The following WDR90 variants were observed in gnomAD, a reference collection of about 807,000 sequenced individuals.
WDR90 encodes the protein WD repeat-containing protein 90.
Under a neutral mutation model 195.2 loss-of-function variants are expected in WDR90, and 238 were observed. The ratio of observed to expected loss-of-function variants is 1.22; its 90% CI spans 1.10 to 1.36. The LOEUF (loss-of-function observed/expected upper bound fraction) is 1.36, where lower values mean the gene tolerates loss of function less well. Ranked by LOEUF, WDR90 falls within the 40% of genes most tolerant of loss-of-function variation. The pLI is 0.00. For synonymous variants in WDR90, 1,265 were observed against 1,052.4 expected (o/e 1.20, Z -3.91); for missense variants, 2,734 against 2,439.5 (o/e 1.12, Z -2.54).
At chr16:660,211 C>T (rs185003760) in intron 27 of WDR90, 50 bp downstream of exon 27, 7 of 1,427,862 alleles carry the variant, frequency 4.9e-6, no homozygotes, top group Non-Finnish European at 6.5e-6. Context: ...AGCACAGAGG[C>T]CCCCCGCAGG....
Position 650,311 on chromosome 16 carries a change from G to A in WDR90, c.337G>A (p.Ala113Thr), listed in dbSNP as rs373439319. ...SNLFKEFKST[A>T]TWLQFPLVLE... ...CCTCTTCAAGGAGTTTAAGTCTACG[G>A]CCACGTGGCTCCAGTTTCCCTTGGT... Residue 113 changes from alanine (A) to threonine (T), a missense_variant, in exon 4 of 41, where the codon GCC (alanine) becomes ACC (threonine). Physicochemically the swap from Ala to Thr is moderately conservative, Grantham distance 58. Coordinates refer to ENST00000293879, the MANE Select transcript of WDR90 (RefSeq NM_145294.5). 2.5e-6 allele frequency: 4 copies of A among 1,612,854 alleles called. No individual in the cohort carries two copies. In the African/African-American group the frequency reaches 4.0e-5, roughly 16 times the overall value.
chr16:652,052 C>T lies in WDR90; in HGVS notation c.1053+13C>T. 2 of 1,580,124 alleles carry T rather than the reference C, an allele frequency of 1.3e-6. No homozygotes were observed. The highest frequency in any genetic ancestry group is 1.7e-6 in the Non-Finnish European group (2 of 1,166,176). Reference sequence around the variant, plus strand: ...CGGCTCCTGCGAAGTGAGTGCCCATCCCACAGCAGGCGGGGCCTGGTGAGG... The same window carrying T: ...CGGCTCCTGCGAAGTGAGTGCCCATTCCACAGCAGGCGGGGCCTGGTGAGG... On this transcript the variant is annotated intron_variant, in intron 9 of 40. Coordinates refer to ENST00000293879, the MANE Select transcript of WDR90 (RefSeq NM_145294.5).
Position 655,351 on chromosome 16 carries a change from G to T in WDR90, c.1601G>T (p.Arg534Leu). Reference protein sequence around the residue: ...GQGSVRLWRLRGGVLRSCPVD... With the variant: ...GQGSVRLWRLLGGVLRSCPVD... Reference sequence around the variant, plus strand: ...GGCAGTGTGCGGCTCTGGCGGCTGCGTGGCGGGGTGCTGCGTTCCTGCCCC... The same window carrying T: ...GGCAGTGTGCGGCTCTGGCGGCTGCTTGGCGGGGTGCTGCGTTCCTGCCCC... The change falls in exon 15 of 41, where the codon CGT becomes CTT. Residue 534 changes from arginine to leucine, a missense_variant. Coordinates refer to ENST00000293879, the MANE Select transcript of WDR90 (RefSeq NM_145294.5). The T allele has an allele frequency of 6.2e-7, 1 of 1,602,322 alleles. No individual in the cohort carries two copies. The highest frequency in any genetic ancestry group is 8.5e-7 in the Non-Finnish European group (1 of 1,179,210).
In WDR90 at chr16:667,560, A is replaced by G. The variant is rs1335751361; in HGVS notation, c.5218A>G (p.Ile1740Val). 1 of 1,610,640 alleles carries G rather than the reference A, an allele frequency of 6.2e-7. No individual in the cohort carries two copies. The highest frequency in any genetic ancestry group is 8.5e-7 in the Non-Finnish European group (1 of 1,179,960). The part of the protein sequence containing the change: ...RLLFTAARNE[I>V]LVWEVPGL Reference sequence around the variant, plus strand: ...GCTCTTCACGGCCGCCCGCAACGAGATCCTTGTGTGGGAGGTCCCCGGCCT... The same window carrying G: ...GCTCTTCACGGCCGCCCGCAACGAGGTCCTTGTGTGGGAGGTCCCCGGCCT... The change falls in exon 41 of 41, where the codon ATC becomes GTC. Residue 1740 changes from isoleucine to valine, a missense_variant. Physicochemically the swap from Ile to Val is conservative, Grantham distance 29. Coordinates refer to ENST00000293879, the MANE Select transcript of WDR90 (RefSeq NM_145294.5).
chr16:653,824 G>A, intron 13 of WDR90, 21 bp downstream of exon 13: 1 of 1,612,712 alleles, frequency 6.2e-7, no homozygotes. Flanking sequence ...CCTGGCTGCG[G>A]GTTGGGGTGG....
chr16:655,860 T>TGGA lies in WDR90; in HGVS notation c.1938_1940dup (p.Leu646_Asp647insGlu). ...GACGGCTTCTTGCGGCTCTGGCCCC[T>TGGA]GGACTTCTCCTCGGTGCTCCTGGAG... On this transcript the variant is annotated inframe_insertion, in exon 17 of 41. Coordinates refer to ENST00000293879, the MANE Select transcript of WDR90 (RefSeq NM_145294.5). 1 of 1,598,936 alleles carries TGGA rather than the reference T, an allele frequency of 6.3e-7. No individual in the cohort carries two copies.
At position 659,306 on chromosome 16, in the gene WDR90, G is replaced by T; in HGVS notation, c.3114G>T (p.Gln1038His). 6.2e-7 allele frequency: 1 copy of T among 1,601,178 alleles called. No homozygotes were observed. The highest frequency in any genetic ancestry group is 1.1e-5 in the South Asian group (1 of 89,498). The change falls in exon 26 of 41, where the codon CAG (glutamine) becomes CAT (histidine). Residue 1038 changes from glutamine (Q) to histidine (H), a missense_variant. Gln to His is a conservative substitution (Grantham distance 24). Coordinates refer to ENST00000293879, the MANE Select transcript of WDR90 (RefSeq NM_145294.5). ...ASRASELPRQ[Q>H]VPKPCQASPP... ...GGGCCAGCGAGCTCCCCCGGCAGCA[G>T]GTCCCCAAGCCATGTCAGGCATCTC...
Position 660,061 on chromosome 16 carries a change from C to G in WDR90, c.3188C>G (p.Ala1063Gly), listed in dbSNP as rs763811891. 6.5e-7 allele frequency: 1 copy of G among 1,542,412 alleles called. No individual in the cohort carries two copies. The stretch of plus-strand genomic sequence containing the variant: ...AGCTCTGCCTCCTCCCTGCCAGGCG[C>G]CAGGGACACCAGGAATTCGGGGGCC... Reference protein sequence around the residue: ...CARPPEGGDGARDTRNSGAPR... With the variant: ...CARPPEGGDGGRDTRNSGAPR... Residue 1063 changes from alanine (A) to glycine (G), a missense_variant, in exon 27 of 41, where the codon GCC becomes GGC. By Grantham distance (60) the Ala-to-Gly change is moderately conservative (BLOSUM62 0). Transcript: ENST00000293879.
At chr16:663,871 G>A (rs768585084) in intron 34 of WDR90, among the ~76,000 whole-genome samples, 5 of 152,198 alleles carry the variant, frequency 3.3e-5, no homozygotes, top group African/African-American at 4.8e-5. Flanking sequence ...CTGGCGTGGC[G>A]TTGGTCTAGC....
In WDR90 at chr16:660,071, C is replaced by A. The variant is rs374016429; in HGVS notation, c.3198C>A (p.Thr1066=). The change falls in exon 27 of 41, where the codon ACC becomes ACA. Residue 1066 remains threonine (T), a synonymous_variant. Transcript: ENST00000293879. ...PPEGGDGARD[T]RNSGAPRTTY... ...CCTCCCTGCCAGGCGCCAGGGACACCAGGAATTCGGGGGCCCCACGCACCA... is the reference window on the plus strand; with the variant it reads ...CCTCCCTGCCAGGCGCCAGGGACACAAGGAATTCGGGGGCCCCACGCACCA... 3.3e-4 allele frequency: 517 copies of A among 1,545,308 alleles called. 1 individual carries two copies. Among genetic ancestry groups the A allele is most frequent in the Admixed American group, 5.1e-4 (26 of 50,976 alleles).
In WDR90 at chr16:654,087, G is replaced by T. The variant is rs1414241582; in HGVS notation, c.1437+284G>T. On this transcript the variant is annotated intron_variant, in intron 13 of 40. Coordinates refer to ENST00000293879, the MANE Select transcript of WDR90 (RefSeq NM_145294.5). ...CCTCGTTCTCTCTGCTGGTGATGCG[G>T]TTGTAAGATTTTCACGTGGCAGAGC... 6.4e-6 allele frequency: 3 copies of T among 465,592 alleles called. No individual in the cohort carries two copies. In the East Asian group the frequency reaches 1.0e-4, roughly 16 times the overall value. 28.8% of individuals were successfully genotyped at this position (465,592 alleles called of 1,614,324 possible).
rs1313199026 is a variant in WDR90 at position 650,565 on chromosome 16, G to A, written c.415G>A (p.Ala139Thr). ...RDLVGLAPSG[A>T]RWTCLQLDLQ... ...TCTGGTGGGTTTGGCCCCCTCCGGAGCCCGCTGGACCTGCCTGCAGCTCGA... is the reference window on the plus strand; with the variant it reads ...TCTGGTGGGTTTGGCCCCCTCCGGAACCCGCTGGACCTGCCTGCAGCTCGA... Residue 139 changes from alanine (A) to threonine (T), a missense_variant, in exon 5 of 41, where the codon GCC becomes ACC. Transcript: ENST00000293879. 9.3e-6 allele frequency: 15 copies of A among 1,611,214 alleles called. No individual in the cohort carries two copies. The highest frequency in any genetic ancestry group is 4.0e-5 in the African/African-American group (3 of 74,900).
intron 26 of WDR90, among the ~76,000 whole-genome samples, chr16:659,610 C>G (rs1240638571): frequency 6.6e-6 from 1 of 151,532 alleles, no homozygotes; most frequent in Admixed American, 6.7e-5. Context: ...CCCCTTGGCC[C>G]CAGGCACCTT....
intron 27 of WDR90, 106 bp downstream of exon 27, chr16:660,267 T>C: frequency 9.4e-7 from 1 of 1,063,764 alleles, no homozygotes; most frequent in Non-Finnish European, 1.3e-6. Flanking sequence ...CCAAAGGTGA[T>C]GGCTCTGGCC....
Position 650,145 on chromosome 16 carries a change from T to G in WDR90, c.257T>G (p.Ile86Ser). The change falls in exon 3 of 41, where the codon ATC (isoleucine) becomes AGC (serine). Residue 86 changes from isoleucine (I) to serine (S), a missense_variant. Transcript: ENST00000293879. ...FRPLPSKHFV[I>S]HLDVSSKDNQ... ...CCCCTGCCCAGCAAGCACTTCGTCATCCACCTCGATGTGTCCTCCAAGGTA... is the reference window on the plus strand; with the variant it reads ...CCCCTGCCCAGCAAGCACTTCGTCAGCCACCTCGATGTGTCCTCCAAGGTA... 1 of 1,613,016 alleles carries G rather than the reference T, an allele frequency of 6.2e-7. No homozygotes were observed. Among genetic ancestry groups the G allele is most frequent in the Non-Finnish European group, 8.5e-7 (1 of 1,179,930 alleles).
Position 650,095 on chromosome 16 carries a change from A to T in WDR90, c.207A>T (p.Gly69=). 1 of 1,613,012 alleles carries T rather than the reference A, an allele frequency of 6.2e-7. No homozygotes were observed. Among genetic ancestry groups the T allele is most frequent in the Non-Finnish European group, 8.5e-7 (1 of 1,179,966 alleles). The change falls in exon 3 of 41, where the codon GGA becomes GGT. Residue 69 remains glycine, a synonymous_variant. Transcript: ENST00000293879. ...KSSTQSLGLT[G]RYLYVLFRPL... is the part of the protein sequence containing the mutation. ...GCACCCAGTCTCTGGGGCTGACGGGACGATACCTGTATGTGCTCTTTCGGC... is the reference window on the plus strand; with the variant it reads ...GCACCCAGTCTCTGGGGCTGACGGGTCGATACCTGTATGTGCTCTTTCGGC...
intron 10 of WDR90, 97 bp from the exon 11 acceptor site, chr16:653,242 CCT>C (rs765565883): frequency 6.6e-5 from 68 of 1,029,636 alleles, no homozygotes; most frequent in Non-Finnish European, 8.6e-5. Flanking sequence ...CCTGCCACCC[CCT>C]CTCCCTGGGC....
At chr16:653,105 C>A (rs1210161247) in intron 10 of WDR90, among the ~76,000 whole-genome samples, 1 of 152,220 alleles carries the variant, frequency 6.6e-6, no homozygotes, top group Non-Finnish European at 1.5e-5. Context: ...TGTGTGTACA[C>A]GTGTCTGCTT....
In WDR90 at chr16:649,853, C is replaced by T; in HGVS notation, c.101C>T (p.Thr34Met). 1.3e-6 allele frequency: 2 copies of T among 1,578,766 alleles called. No homozygotes were observed. Among genetic ancestry groups the T allele is most frequent in the Non-Finnish European group, 1.7e-6 (2 of 1,162,766 alleles). The change falls in exon 2 of 41, where the codon ACG (threonine) becomes ATG (methionine). Residue 34 changes from threonine to methionine, a missense_variant and splice_region_variant. Thr to Met is a moderately conservative substitution (Grantham distance 81, BLOSUM62 -1). Transcript: ENST00000293879. ...SAKQGDVAVV[T>M]DKTLKGAVYR... Reference sequence around the variant, plus strand: ...AAGCAGGGGGACGTGGCCGTGGTCACGGTAGGCGGCCGGGGGCTCGCCCGG... The same window carrying T: ...AAGCAGGGGGACGTGGCCGTGGTCATGGTAGGCGGCCGGGGGCTCGCCCGG...
Sources: gnomAD v4.1 joint callset for allele counts (sites outside exome capture counted in the v4.1 genomes callset) on GRCh38, gnomAD v4.1.1 for gene constraint, MANE v1.5 for transcripts, NCBI Gene and HGNC (gene_info 2026-07-23, HGNC 2026-07-21) for gene names.